The following WBP2NL variants were observed in gnomAD, a reference collection of about 807,000 sequenced individuals.
WBP2NL encodes the protein postacrosomal sheath WW domain-binding protein.
WBP2NL carries 27 observed loss-of-function variants against 23.3 expected under a neutral mutation model. The observed-to-expected ratio is 1.16, with a 90% CI of 0.85 to 1.60. WBP2NL has a LOEUF of 1.60. WBP2NL is among the 40% of genes most tolerant of loss of function. The pLI is 0.00. For missense variants in WBP2NL, 370 were observed against 389.5 expected, an observed-to-expected ratio of 0.95 and a Z score of 0.42; for synonymous variants, 151 against 145.9, an observed-to-expected ratio of 1.03 and a Z score of -0.25.
intron 1 of WBP2NL, among the ~76,000 whole-genome samples, chr22:42,017,331 T>A (rs1923399410): frequency 6.6e-6 from 1 of 152,096 alleles, no homozygotes; most frequent in South Asian, 2.1e-4. Flanking sequence ...GTCAAGCTGG[T>A]CTCTAACTCC....
At chr22:42,023,976 C>T (rs1449957100) in intron 5 of WBP2NL, among the ~76,000 whole-genome samples, 1 of 152,186 alleles carries the variant, frequency 6.6e-6, no homozygotes, top group African/African-American at 2.4e-5. Flanking sequence ...CTAATAGCCA[C>T]TAAGAAGTTA....
chr22:42,002,192 T>A (rs1921770698), intron 1 of WBP2NL, among the ~76,000 whole-genome samples: 1 of 152,254 alleles, frequency 6.6e-6, no homozygotes, highest in Non-Finnish European at 1.5e-5. Context: ...GAATTACCTT[T>A]ATGGGATCCA....
intron 5 of WBP2NL, among the ~76,000 whole-genome samples, chr22:42,022,699 C>T (rs890116884): frequency 6.6e-6 from 1 of 152,230 alleles, no homozygotes; most frequent in Non-Finnish European, 1.5e-5. Flanking sequence ...GTCATCATAC[C>T]TGTGCCACAC....
chr22:42,049,887 G>A (rs147031178), intron 8 of WBP2NL, among the ~76,000 whole-genome samples: 16 of 147,908 alleles, frequency 1.1e-4, no homozygotes, highest in Non-Finnish European at 1.8e-4. Flanking sequence ...TGAGGCAGGA[G>A]AATTGCTTGA....
rs1924371090 is a variant in WBP2NL at position 42,025,238 on chromosome 22, T to G, written c.515-1528T>G. Among the ~76,000 whole-genome samples, 5 of 152,364 alleles carry G rather than the reference T, an allele frequency of 3.3e-5. No individual in the cohort carries two copies. In the South Asian group the frequency reaches 1.0e-3, roughly 32 times the overall value. On this transcript the variant is annotated intron_variant, in intron 5 of 5. Coordinates refer to ENST00000328823, the MANE Select transcript of WBP2NL (RefSeq NM_152613.3). ...ATTTATCCCTGTTTTCTTCTAAGCATTTTATAGTTTTAGCTCTTATATCAA... is the reference window on the plus strand; with the variant it reads ...ATTTATCCCTGTTTTCTTCTAAGCAGTTTATAGTTTTAGCTCTTATATCAA...
chr22:42,012,558 CAT>C (rs2062122720), intron 1 of WBP2NL, among the ~76,000 whole-genome samples: 1 of 152,240 alleles, frequency 6.6e-6, no homozygotes, highest in African/African-American at 2.4e-5. Flanking sequence ...AATCAGAAAA[CAT>C]ATTATAAAAT....
At chr22:42,034,489 A>G (rs1473503884), downstream of WBP2NL, among the ~76,000 whole-genome samples, 1 of 152,204 alleles carries the variant, frequency 6.6e-6, no homozygotes, top group Non-Finnish European at 1.5e-5. Context: ...GGGTAATAGA[A>G]TATCACAAGG....
downstream of WBP2NL, chr22:42,032,175 C>G (rs1032369718): frequency 1.3e-5 from 2 of 152,222 alleles, no homozygotes; most frequent in African/African-American, 4.8e-5. Flanking sequence ...GAAGTTTCTT[C>G]TGGTCATCAG....
At chr22:42,017,615 A>T (rs1366679618) in intron 1 of WBP2NL, among the ~76,000 whole-genome samples, 1 of 152,214 alleles carries the variant, frequency 6.6e-6, no homozygotes, top group Non-Finnish European at 1.5e-5. Context: ...TTCTTTTAAT[A>T]ACTATTTAGA....
At chr22:42,035,873 CTATT>C (rs1925163933), downstream of WBP2NL, among the ~76,000 whole-genome samples, 1 of 152,148 alleles carries the variant, frequency 6.6e-6, no homozygotes, top group Non-Finnish European at 1.5e-5. Context: ...TATAGTTTGA[CTATT>C]TTAGATTCTA....
chr22:42,014,888 C>A (rs1923167224), intron 1 of WBP2NL, among the ~76,000 whole-genome samples: 1 of 152,164 alleles, frequency 6.6e-6, no homozygotes, highest in Non-Finnish European at 1.5e-5. Flanking sequence ...GTTATTTGGA[C>A]ATCATTTCCT....
chr22:42,003,223 G>T (rs1207647009), intron 1 of WBP2NL: 8 of 151,158 alleles, frequency 5.3e-5, no homozygotes, highest in Admixed American at 4.0e-4. Flanking sequence ...GGGGTAACCT[G>T]CCAAGAAGAG....
At chr22:42,002,909 G>A (rs936190378) in intron 1 of WBP2NL, 10 of 152,116 alleles carry the variant, frequency 6.6e-5, no homozygotes, top group Non-Finnish European at 1.5e-4. Context: ...AGGCTAAGGT[G>A]GGAGGATCAC....
intron 1 of WBP2NL, among the ~76,000 whole-genome samples, chr22:42,011,790 G>A (rs1295977814): frequency 1.4e-5 from 2 of 147,858 alleles, no homozygotes; most frequent in South Asian, 4.3e-4. Flanking sequence ...TTGTTGTTTT[G>A]GAGACAGAGT....
At chr22:42,033,703 C>T (rs1193598556), downstream of WBP2NL, among the ~76,000 whole-genome samples, 1 of 152,142 alleles carries the variant, frequency 6.6e-6, no homozygotes, top group Non-Finnish European at 1.5e-5. Flanking sequence ...TTCACTGCAG[C>T]TCATTGTGCT....
intron 5 of WBP2NL, among the ~76,000 whole-genome samples, chr22:42,025,532 C>T (rs991235264): frequency 3.9e-5 from 6 of 152,208 alleles, no homozygotes; most frequent in Non-Finnish European, 8.8e-5. Context: ...CATTCTTTTA[C>T]GTGCAGATAT....
intron 1 of WBP2NL, among the ~76,000 whole-genome samples, chr22:42,006,574 T>C (rs1922276054): frequency 6.6e-6 from 1 of 152,164 alleles, no homozygotes; most frequent in African/African-American, 2.4e-5. Flanking sequence ...TGGGCACCCA[T>C]TTTTCTTCTG....
downstream of WBP2NL, among the ~76,000 whole-genome samples, chr22:42,029,189 A>G (rs546087463): frequency 3.3e-5 from 5 of 151,694 alleles, no homozygotes; most frequent in South Asian, 1.0e-3. Context: ...GTGGTGGCAC[A>G]TGCCTGTAAT....
chr22:42,018,194 C>T (rs4822082), intron 1 of WBP2NL, among the ~76,000 whole-genome samples: 115,206 of 148,344 alleles, frequency 0.78, 44,850 homozygotes, highest in East Asian at 0.91. Flanking sequence ...TGCTTGCCTA[C>T]GGTCCCAGCT....
Sources: gnomAD v4.1 joint callset for allele counts (sites outside exome capture counted in the v4.1 genomes callset) on GRCh38, gnomAD v4.1.1 for gene constraint, MANE v1.5 for transcripts, NCBI Gene and HGNC (gene_info 2026-07-23, HGNC 2026-07-21) for gene names.